Variants in MARCHF1 observed in about 807,000 individuals in gnomAD.
MARCHF1 encodes the protein E3 ubiquitin-protein ligase MARCHF1.
Under a neutral mutation model 54.2 loss-of-function variants are expected in MARCHF1, and 40 were observed. The observed-to-expected ratio is 0.74, with a 90% CI of 0.57 to 0.96. The LOEUF (loss-of-function observed/expected upper bound fraction) is 0.96, where lower values mean the gene tolerates loss of function less well. Ranked by LOEUF, MARCHF1 falls within the 40% of genes least tolerant of loss-of-function variation. The pLI, the probability that MARCHF1 is intolerant of heterozygous loss-of-function variation, is 0.00. For synonymous variants in MARCHF1, 236 were observed against 236.3 expected (o/e 1.00, Z 0.01); for missense variants, 586 against 656.5 (o/e 0.89, Z 1.17).
chr4:164,128,599 T>A (rs1374780665), intron 1 of MARCHF1, among the ~76,000 whole-genome samples: 1 of 152,132 alleles, frequency 6.6e-6, no homozygotes, highest in African/African-American at 2.4e-5. Context: ...TTGGCAAAAT[T>A]TTTTTAAATA....
intron 5 of MARCHF1, among the ~76,000 whole-genome samples, chr4:163,638,737 G>A (rs774176681): frequency 3.3e-5 from 5 of 151,992 alleles, no homozygotes; most frequent in African/African-American, 4.8e-5. Context: ...AATGTCATTC[G>A]CAATAGCCAA....
intron 4 of MARCHF1, among the ~76,000 whole-genome samples, chr4:163,847,040 A>G (rs2111149707): frequency 6.6e-6 from 1 of 152,326 alleles, no homozygotes; most frequent in South Asian, 2.1e-4. Context: ...GGCTGCTTTC[A>G]TCCGTACTAT....
Position 164,364,720 on chromosome 4 carries a change from C to T in MARCHF1, c.-323+19150G>A, listed in dbSNP as rs376027730. Among the ~76,000 whole-genome samples, 38 of 151,478 alleles carry T rather than the reference C, an allele frequency of 2.5e-4. 4 individuals are homozygous for T. In the East Asian group the frequency reaches 3.7e-3, roughly 15 times the overall value. ...TTTTTTTTTAAATAAAAAGACAATT[C>T]CTTCTTTTCTCTTAATCCTTTTATT... On this transcript the variant is annotated intron_variant, in intron 1 of 9. Coordinates refer to ENST00000514618, the MANE Select transcript of MARCHF1 (RefSeq NM_001394959.1).
At chr4:164,258,739 A>G (rs986637073) in intron 1 of MARCHF1, among the ~76,000 whole-genome samples, 9 of 152,144 alleles carry the variant, frequency 5.9e-5, no homozygotes, top group Admixed American at 5.2e-4. Flanking sequence ...ATATGTATTC[A>G]AAGAATATTT....
intron 7 of MARCHF1, among the ~76,000 whole-genome samples, chr4:163,602,528 G>A (rs1051029105): frequency 6.6e-6 from 1 of 152,052 alleles, no homozygotes; most frequent in Non-Finnish European, 1.5e-5. Context: ...CTCAGCTTTG[G>A]CAGGTTATCA....
At chr4:163,716,245 G>T (rs1745252989) in intron 4 of MARCHF1, among the ~76,000 whole-genome samples, 1 of 151,836 alleles carries the variant, frequency 6.6e-6, no homozygotes, top group African/African-American at 2.4e-5. Context: ...AACAATACAA[G>T]TATTCAATAT....
chr4:164,120,130 C>A (rs1005904029), intron 1 of MARCHF1, among the ~76,000 whole-genome samples: 3 of 151,786 alleles, frequency 2.0e-5, no homozygotes, highest in African/African-American at 2.4e-5. Flanking sequence ...AGCTGAAAAT[C>A]AAGGGATAGA....
chr4:164,076,673 G>C (rs1181289166), intron 2 of MARCHF1, among the ~76,000 whole-genome samples: 1 of 152,150 alleles, frequency 6.6e-6, no homozygotes, highest in Non-Finnish European at 1.5e-5. Context: ...AATCTGATAA[G>C]AAACTTCAGC....
intron 3 of MARCHF1, among the ~76,000 whole-genome samples, chr4:163,960,815 A>T (rs187896195): frequency 0.022 from 1,737 of 78,952 alleles, 24 homozygotes; most frequent in Non-Finnish European, 0.031. Flanking sequence ...AATAAAAGAT[A>T]AAAAAAAAAA....
chr4:163,876,009 T>C (rs995108855), intron 3 of MARCHF1, among the ~76,000 whole-genome samples: 3 of 152,114 alleles, frequency 2.0e-5, no homozygotes, highest in African/African-American at 7.2e-5. Context: ...TAAAGGAAAG[T>C]AAATATTAGA....
chr4:164,098,972 A>G (rs557470162), intron 2 of MARCHF1, among the ~76,000 whole-genome samples: 1 of 152,330 alleles, frequency 6.6e-6, no homozygotes, highest in East Asian at 1.9e-4. Context: ...GCAAAGCGGA[A>G]AAGATTACCT....
chr4:164,254,853 C>T (rs1331689973), intron 1 of MARCHF1, among the ~76,000 whole-genome samples: 1 of 152,146 alleles, frequency 6.6e-6, no homozygotes, highest in African/African-American at 2.4e-5. Flanking sequence ...TTCCCCAGCC[C>T]ACTGACTCAA....
intron 1 of MARCHF1, among the ~76,000 whole-genome samples, chr4:164,265,972 A>G (rs1183548332): frequency 6.6e-6 from 1 of 152,208 alleles, no homozygotes; most frequent in Non-Finnish European, 1.5e-5. Flanking sequence ...TTTGTTGTTT[A>G]ACACTTGTTT....
chr4:164,369,712 C>A (rs543819771), intron 1 of MARCHF1, among the ~76,000 whole-genome samples: 159 of 151,988 alleles, frequency 1.0e-3, no homozygotes, highest in Non-Finnish European at 2.0e-3. Context: ...TATAATAGTA[C>A]CTCTACCATA....
At chr4:164,103,988 T>C (rs1755632656) in intron 2 of MARCHF1, among the ~76,000 whole-genome samples, 1 of 150,744 alleles carries the variant, frequency 6.6e-6, no homozygotes, top group South Asian at 2.1e-4. Flanking sequence ...TACAAACACC[T>C]CTACGCAAAT....
intron 2 of MARCHF1, among the ~76,000 whole-genome samples, chr4:164,015,461 C>T (rs1753517196): frequency 6.6e-6 from 1 of 152,040 alleles, no homozygotes. Flanking sequence ...AATGAGATCA[C>T]ATCAAGCTAA....
At chr4:164,217,701 GA>G (rs1731972419) in intron 1 of MARCHF1, among the ~76,000 whole-genome samples, 1 of 152,182 alleles carries the variant, frequency 6.6e-6, no homozygotes, top group South Asian at 2.1e-4. Context: ...TGTTAAAATA[GA>G]ACTCAAGAGG....
chr4:164,242,131 T>C (rs1361065480), intron 1 of MARCHF1, among the ~76,000 whole-genome samples: 1 of 151,466 alleles, frequency 6.6e-6, no homozygotes, highest in East Asian at 2.0e-4. Flanking sequence ...CCACCACAGC[T>C]CAAGGAGGCC....
chr4:163,734,416 G>GA (rs1413610442), intron 4 of MARCHF1, among the ~76,000 whole-genome samples: 4 of 151,736 alleles, frequency 2.6e-5, no homozygotes, highest in African/African-American at 7.3e-5. Flanking sequence ...AAATACTGGG[G>GA]AAAAAAACTA....
Sources: allele counts gnomAD v4.1 joint callset (sites outside exome capture counted in the v4.1 genomes callset), GRCh38; gene constraint gnomAD v4.1.1; transcripts MANE v1.5; gene names NCBI Gene and HGNC (gene_info 2026-07-23, HGNC 2026-07-21).